The following TENM1 variants were observed in gnomAD, a reference collection of about 807,000 sequenced individuals.
TENM1 encodes the protein teneurin transmembrane protein 1.
Under a neutral mutation model 174.8 loss-of-function variants are expected in TENM1, and 35 were observed. The ratio of observed to expected loss-of-function variants is 0.20; its 90% confidence interval spans 0.15 to 0.27. TENM1 has a LOEUF of 0.27. Among genes scored for constraint, TENM1 ranks in the 10% least tolerant of loss-of-function variants. The pLI, the probability that TENM1 is intolerant of heterozygous loss-of-function variation, is 1.00. For synonymous variants in TENM1, 781 were observed against 798.7 expected, an observed-to-expected ratio of 0.98 and a Z score of 0.37; for missense variants, 1,633 against 2,130.1, an observed-to-expected ratio of 0.77 and a Z score of 4.59.
chrX:125,156,169 T>C, the TENM1 span, among the ~76,000 whole-genome samples: 23 of 112,579 alleles, frequency 2.0e-4, no homozygotes, highest in Non-Finnish European at 3.6e-4. Flanking sequence ...TACCACTAGT[T>C]GAGAAGACCT....
Position 124,753,252 on chromosome X carries a change from T to C in TENM1, c.536-16055A>G, listed in dbSNP as rs759473829. On this transcript the variant is annotated intron_variant, in intron 3 of 31. Transcript: ENST00000422452. ...GGTATTTTATTCTTTTTGAAGCAGTTGTGAATGGGAGTTCACTCATGATTT... is the reference window on the plus strand; with the variant it reads ...GGTATTTTATTCTTTTTGAAGCAGTCGTGAATGGGAGTTCACTCATGATTT... Among the ~76,000 whole-genome samples the C allele has an allele frequency of 5.1e-3, 569 of 110,766 alleles. 10 individuals are homozygous for C. The highest frequency in any genetic ancestry group is 0.017 in the African/African-American group (530 of 30,350).
chrX:124,538,431 A>G (rs1004884673), intron 15 of TENM1, among the ~76,000 whole-genome samples: 2 of 111,633 alleles, frequency 1.8e-5, no homozygotes, highest in African/African-American at 6.5e-5. Context: ...TGAGCAGGTC[A>G]TCTGCAGTGC....
chrX:125,098,752 AAG>A, the TENM1 span, among the ~76,000 whole-genome samples: 3 of 112,057 alleles, frequency 2.7e-5, no homozygotes, highest in Non-Finnish European at 3.8e-5. Flanking sequence ...GCCCAGGAAA[AAG>A]GGCTAATAAA....
chrX:124,811,076 T>C (rs1480763669), intron 3 of TENM1, among the ~76,000 whole-genome samples: 2 of 110,695 alleles, frequency 1.8e-5, no homozygotes, highest in Non-Finnish European at 3.8e-5. Context: ...ATGACCAGGA[T>C]AAAACACAGG....
intron 5 of TENM1, among the ~76,000 whole-genome samples, chrX:124,673,885 G>T (rs1448328447): frequency 1.8e-5 from 2 of 111,550 alleles, no homozygotes; most frequent in Non-Finnish European, 3.8e-5. Flanking sequence ...AACAATGGTG[G>T]AACCATTAAT....
At chrX:124,567,095 G>A in intron 11 of TENM1, among the ~76,000 whole-genome samples, 1 of 111,740 alleles carries the variant, frequency 8.9e-6, no homozygotes, top group Middle Eastern at 4.6e-3. Context: ...TTAATGAAAT[G>A]GGAAAGGCTA....
intron 3 of TENM1, among the ~76,000 whole-genome samples, chrX:124,856,954 T>C (rs950558565): frequency 9.0e-6 from 1 of 111,507 alleles, no homozygotes; most frequent in African/African-American, 3.2e-5. Context: ...GCTATCACAG[T>C]GCACTGCATA....
intron 11 of TENM1, among the ~76,000 whole-genome samples, chrX:124,641,176 C>T (rs1020317415): frequency 1.8e-5 from 2 of 110,932 alleles, no homozygotes; most frequent in Admixed American, 1.9e-4. Context: ...GGCAAAGGAA[C>T]GATTTATGCA....
intron 11 of TENM1, among the ~76,000 whole-genome samples, chrX:124,637,370 G>A (rs1470583959): frequency 9.0e-6 from 1 of 110,599 alleles, no homozygotes; most frequent in African/African-American, 3.3e-5. Context: ...TTACAGGTGT[G>A]AGCCACCGCG....
intron 21 of TENM1, among the ~76,000 whole-genome samples, chrX:124,485,915 A>G (rs1213305996): frequency 2.7e-5 from 3 of 112,210 alleles, no homozygotes; most frequent in Non-Finnish European, 1.9e-5. Flanking sequence ...TATTTTGCTC[A>G]GCCAGGCTGT....
exon 1 of TENM1, chrX:124,963,546 A>G (rs2058686287): frequency 8.3e-7 from 1 of 1,204,697 alleles, no homozygotes; most frequent in African/African-American, 1.7e-5. Flanking sequence ...CCTTGAGTAG[A>G]TTTTTCTACT....
chrX:125,024,988 C>CTAG, the TENM1 span, among the ~76,000 whole-genome samples: 1 of 111,158 alleles, frequency 9.0e-6, no homozygotes, highest in East Asian at 2.8e-4. Context: ...CTTGAACAAG[C>CTAG]TAGTTATCAA....
chrX:125,022,929 T>C, the TENM1 span, among the ~76,000 whole-genome samples: 5 of 111,734 alleles, frequency 4.5e-5, no homozygotes, highest in Non-Finnish European at 7.5e-5. Context: ...AAATCACATA[T>C]TCTGCATAAT....
intron 1 of TENM1, among the ~76,000 whole-genome samples, chrX:124,938,641 A>G (rs1339967835): frequency 4.5e-5 from 5 of 111,985 alleles, no homozygotes. Context: ...ATATGGTAAA[A>G]TGGAAGAACT....
intron 1 of TENM1, among the ~76,000 whole-genome samples, chrX:124,955,793 G>GCA (rs955862260): frequency 3.1e-4 from 24 of 78,115 alleles, no homozygotes; most frequent in Non-Finnish European, 3.4e-4. Flanking sequence ...CAACACACGC[G>GCA]CACGCACACA....
chrX:125,190,168 T>C, the TENM1 span, among the ~76,000 whole-genome samples: 1 of 111,865 alleles, frequency 8.9e-6, no homozygotes, highest in Non-Finnish European at 1.9e-5. Flanking sequence ...GTATTGTCAC[T>C]TTCTTCCTCA....
At chrX:124,405,501 C>G (rs2060453152) in intron 26 of TENM1, among the ~76,000 whole-genome samples, 1 of 111,740 alleles carries the variant, frequency 8.9e-6, no homozygotes, top group African/African-American at 3.3e-5. Context: ...AGACTCTTGT[C>G]TAACACTGCA....
At chrX:125,023,871 C>A in the TENM1 span, among the ~76,000 whole-genome samples, 1 of 111,111 alleles carries the variant, frequency 9.0e-6, no homozygotes, top group African/African-American at 3.3e-5. Context: ...ACAAGGAACA[C>A]AAACAACTCA....
At chrX:125,164,721 A>T in the TENM1 span, among the ~76,000 whole-genome samples, 1 of 111,800 alleles carries the variant, frequency 8.9e-6, no homozygotes, top group African/African-American at 3.2e-5. Context: ...TCCAAATTAT[A>T]CTTCATTGAG....
Sources: gnomAD v4.1 joint callset for allele counts (sites outside exome capture counted in the v4.1 genomes callset) on GRCh38, gnomAD v4.1.1 for gene constraint, MANE v1.5 for transcripts, NCBI Gene and HGNC (gene_info 2026-07-23, HGNC 2026-07-21) for gene names.